Variants in ATP7A observed in about 807,000 individuals in gnomAD.
The protein encoded by ATP7A is ATPase copper transporting alpha, also known as copper-transporting ATPase 1.
In ATP7A, 7 loss-of-function variants were observed where a neutral mutation model predicts 83.5. The observed-to-expected ratio is 0.08, with a 90% CI of 0.05 to 0.16. The LOEUF is 0.16. Among genes scored for constraint, ATP7A ranks in the 10% least tolerant of loss-of-function variants. The probability of loss-of-function intolerance (pLI) is 1.00; values close to 1 mark genes in which losing one functional copy is unlikely to be tolerated. For missense variants in ATP7A, 940 were observed against 1,120.8 expected, an observed-to-expected ratio of 0.84 and a Z score of 2.30; for synonymous variants, 354 against 395.2, an observed-to-expected ratio of 0.90 and a Z score of 1.24.
chrX:77,999,762 G>A (rs1965577511), intron 5 of ATP7A, among the ~76,000 whole-genome samples: 3 of 110,777 alleles, frequency 2.7e-5, no homozygotes, highest in Admixed American at 9.6e-5. Context: ...AAATTAGCTG[G>A]GTGTAGTGGC....
Position 78,033,687 on chromosome X carries a change from T to C in ATP7A, c.3377T>C (p.Ile1126Thr). The C allele has an allele frequency of 1.7e-6, 2 of 1,210,794 alleles. No homozygotes were observed. The highest frequency in any genetic ancestry group is 2.2e-6 in the Non-Finnish European group (2 of 894,835). ...GGTATTAGCTGTAAAGTCACCAATA[T>C]TGAAGGCTTGCTACATAAGAATAAC... The part of the protein sequence containing the change: ...GCGISCKVTN[I>T]EGLLHKNNWN... Residue 1126 changes from isoleucine (I) to threonine (T), a missense_variant, in exon 17 of 23, where the codon ATT becomes ACT. Physicochemically the swap from Ile to Thr is moderately conservative, Grantham distance 89 (BLOSUM62 -1). Transcript: ENST00000341514.
At chrX:78,035,515 G>A (rs1187998175) in intron 17 of ATP7A, among the ~76,000 whole-genome samples, 1 of 110,660 alleles carries the variant, frequency 9.0e-6, no homozygotes, top group Non-Finnish European at 1.9e-5. Flanking sequence ...CCCATCCACG[G>A]GTCTCTGTTA....
At chrX:78,038,484 A>C (rs1288070449) in intron 17 of ATP7A, among the ~76,000 whole-genome samples, 1 of 111,966 alleles carries the variant, frequency 8.9e-6, no homozygotes, top group Non-Finnish European at 1.9e-5. Context: ...ACATTCAGCT[A>C]CTGATGCACA....
intron 4 of ATP7A, among the ~76,000 whole-genome samples, chrX:77,994,089 A>G (rs2077685682): frequency 9.0e-6 from 1 of 110,839 alleles, no homozygotes; most frequent in African/African-American, 3.3e-5. Flanking sequence ...TATTGGAGAC[A>G]GAGTTGCACT....
intron 1 of ATP7A, among the ~76,000 whole-genome samples, chrX:77,931,123 CA>C (rs1227727027): frequency 9.5e-6 from 1 of 105,477 alleles, no homozygotes; most frequent in African/African-American, 3.5e-5. Context: ...AGCAAGTGAA[CA>C]AAGGTCTCTG....
At chrX:78,017,594 CTT>C (rs2077874900) in intron 12 of ATP7A, among the ~76,000 whole-genome samples, 2 of 110,804 alleles carry the variant, frequency 1.8e-5, no homozygotes, top group South Asian at 7.5e-4. Flanking sequence ...CAAACCATCT[CTT>C]TGTGAACACA....
At chrX:78,023,481 T>A (rs200487919) in intron 14 of ATP7A, among the ~76,000 whole-genome samples, 5 of 110,117 alleles carry the variant, frequency 4.5e-5, no homozygotes, top group East Asian at 2.8e-4. Context: ...TTGATTTTTT[T>A]AATTATAGCC....
rs928403849 is a variant in ATP7A at position 77,998,461 on chromosome X, C to G, written c.1337-17C>G. On this transcript the variant is annotated splice_polypyrimidine_tract_variant and intron_variant, in intron 4 of 22. Transcript: ENST00000341514. ...GATCAATACTGCAAATGAAAAGAATCTTTCCCTTTCTACCAGACACGAATG... is the reference window on the plus strand; with the variant it reads ...GATCAATACTGCAAATGAAAAGAATGTTTCCCTTTCTACCAGACACGAATG... 1 of 1,203,799 alleles carries G rather than the reference C, an allele frequency of 8.3e-7. No homozygotes were observed. The highest frequency in any genetic ancestry group is 2.2e-5 in the Admixed American group (1 of 45,697).
Position 78,049,665 on chromosome X carries a change from T to C in ATP7A, c.*3095T>C, listed in dbSNP as rs1255370692. 8 of 112,754 alleles carry C rather than the reference T, an allele frequency of 7.1e-5. No homozygotes were observed. The highest frequency in any genetic ancestry group is 1.3e-4 in the Non-Finnish European group (7 of 53,195). 9.3% of individuals were successfully genotyped at this position (112,754 alleles called of 1,213,427 possible). A position where few individuals can be genotyped will look rare whatever the true frequency, so the allele number is the denominator to read the frequency against. ...TTGATGCCTTGTGAACAAGTAATTT[T>C]ATATTGTGCTTTAATTTTTTAAAAA... On this transcript the variant is annotated 3_prime_UTR_variant, in exon 23 of 23. Transcript: ENST00000341514.
chrX:77,992,256 G>A (rs782446619), intron 4 of ATP7A, among the ~76,000 whole-genome samples: 1 of 108,880 alleles, frequency 9.2e-6, no homozygotes, highest in African/African-American at 3.3e-5. Flanking sequence ...GTAGAGATGG[G>A]GTTTCACCAT....
Position 78,013,059 on chromosome X carries a change from C to A in ATP7A, c.2353C>A (p.Pro785Thr), listed in dbSNP as rs1057523512. Residue 785 changes from proline (P) to threonine (T), a missense_variant, in exon 10 of 23, where the codon CCT becomes ACT. By Grantham distance (38) the Pro-to-Thr change is conservative (BLOSUM62 -1). Around this residue, in one of 3 missense-constraint regions of ATP7A, gnomAD observed 204 missense variants for 185.8 expected, o/e 1.10. Coordinates refer to ENST00000341514, the MANE Select transcript of ATP7A (RefSeq NM_000052.7). ...VNPITFFDTP[P>T]MLFVFIALGR... ...CCCTATTACTTTCTTTGACACACCC[C>A]CTATGCTGTTTGTGTTTATTGCACT... 2.5e-6 allele frequency: 3 copies of A among 1,211,080 alleles called. No homozygotes were observed. The highest frequency in any genetic ancestry group is 3.4e-6 in the Non-Finnish European group (3 of 895,110).
intron 1 of ATP7A, among the ~76,000 whole-genome samples, chrX:77,942,926 G>A (rs1006433726): frequency 2.7e-5 from 3 of 110,858 alleles, no homozygotes; most frequent in East Asian, 2.8e-4. Flanking sequence ...CTTGATTCTC[G>A]TGCCTCAGTC....
At chrX:78,007,246 C>T (rs1376819510) in intron 6 of ATP7A, among the ~76,000 whole-genome samples, 13 of 112,450 alleles carry the variant, frequency 1.2e-4, no homozygotes, top group African/African-American at 3.9e-4. Context: ...TTGCATTTCC[C>T]TGATGACTAA....
rs1557234412 is a variant in ATP7A, at chrX:78,011,213, G to A, written c.1907G>A (p.Arg636Gln). The A allele has an allele frequency of 1.1e-5, 13 of 1,210,310 alleles. No homozygotes were observed. The highest frequency in any genetic ancestry group is 1.1e-5 in the Non-Finnish European group (10 of 894,599). Residue 636 changes from arginine (R) to glutamine (Q), a missense_variant, in exon 8 of 23, where the codon CGG becomes CAG. By Grantham distance (43) the Arg-to-Gln change is conservative. Around this residue, in one of 3 missense-constraint regions of ATP7A, gnomAD observed 204 missense variants for 185.8 expected, o/e 1.10. Coordinates refer to ENST00000341514, the MANE Select transcript of ATP7A (RefSeq NM_000052.7). ...GFEASLVKKD[R>Q]SASHLDHKRE... is the part of the protein sequence containing the mutation. ...GAAGCTTCTTTGGTCAAGAAGGATC[G>A]GTCAGCAAGTCACTTAGATCATAAA...
At chrX:78,008,691 G>C (rs1045342544) in intron 6 of ATP7A, among the ~76,000 whole-genome samples, 5 of 110,942 alleles carry the variant, frequency 4.5e-5, no homozygotes, top group African/African-American at 1.6e-4. Context: ...GTATCCTAAT[G>C]ATCATATCTA....
chrX:78,034,474 A>G (rs1187308697), intron 17 of ATP7A, among the ~76,000 whole-genome samples: 2 of 111,327 alleles, frequency 1.8e-5, no homozygotes, highest in East Asian at 5.6e-4. Context: ...AGTTCTAGAA[A>G]TGGTAATCTA....
intron 17 of ATP7A, among the ~76,000 whole-genome samples, chrX:78,036,559 G>T (rs2078014765): frequency 9.0e-6 from 1 of 111,323 alleles, no homozygotes; most frequent in African/African-American, 3.3e-5. Flanking sequence ...ACAGTTTTGA[G>T]TAGAGGAGGG....
At chrX:78,005,343 C>G (rs62614930) in intron 6 of ATP7A, among the ~76,000 whole-genome samples, 69 of 110,442 alleles carry the variant, frequency 6.2e-4, no homozygotes, top group African/African-American at 2.0e-3. Context: ...TTCCATGTAG[C>G]CTTCATCTAG....
At chrX:78,024,480 C>T (rs1330957015) in intron 14 of ATP7A, among the ~76,000 whole-genome samples, 4 of 111,960 alleles carry the variant, frequency 3.6e-5, no homozygotes, top group African/African-American at 1.3e-4. Context: ...AGTGCTATTT[C>T]CCACCAGGGG....
Sources: allele counts gnomAD v4.1 joint callset (sites outside exome capture counted in the v4.1 genomes callset), GRCh38; gene constraint gnomAD v4.1.1; regional missense constraint gnomAD v4.1.1; transcripts MANE v1.5; gene names NCBI Gene and HGNC (gene_info 2026-07-23, HGNC 2026-07-21).